Variants in SUPT3H observed in about 807,000 individuals in gnomAD.
The protein encoded by SUPT3H is transcription initiation protein SPT3 homolog.
In SUPT3H, 44 loss-of-function variants were observed where a neutral mutation model predicts 44.3. The observed-to-expected ratio is 0.99, with a 90% CI of 0.78 to 1.28. The LOEUF (loss-of-function observed/expected upper bound fraction) is 1.28, where lower values mean the gene tolerates loss of function less well. Ranked by LOEUF, SUPT3H falls within the 50% of genes most tolerant of loss-of-function variation. The pLI is 0.00. For synonymous variants in SUPT3H, 124 were observed against 125.6 expected, an observed-to-expected ratio of 0.99 and a Z score of 0.09; for missense variants, 380 against 387.1, an observed-to-expected ratio of 0.98 and a Z score of 0.15.
At chr6:44,913,686 C>T (rs1221926631) in intron 10 of SUPT3H, among the ~76,000 whole-genome samples, 1 of 152,134 alleles carries the variant, frequency 6.6e-6, no homozygotes, top group Non-Finnish European at 1.5e-5. Context: ...AACAAAAGCA[C>T]TTTTATCAGA....
chr6:45,248,100 A>G (rs1238683417), intron 2 of SUPT3H, among the ~76,000 whole-genome samples: 2 of 152,196 alleles, frequency 1.3e-5, no homozygotes, highest in Admixed American at 6.5e-5. Flanking sequence ...ACTTAAATAT[A>G]AAACAGAAAA....
At chr6:45,278,631 T>C (rs538786601) in intron 2 of SUPT3H, among the ~76,000 whole-genome samples, 3 of 152,324 alleles carry the variant, frequency 2.0e-5, no homozygotes, top group South Asian at 2.1e-4. Context: ...AGCTGTTACT[T>C]TTTCAAACAA....
chr6:45,345,370 C>G (rs940345715), intron 2 of SUPT3H, among the ~76,000 whole-genome samples: 7 of 152,114 alleles, frequency 4.6e-5, no homozygotes, highest in Non-Finnish European at 1.0e-4. Context: ...AGACTTTTAC[C>G]TTCTAGATTA....
At chr6:45,036,276 C>T (rs565807123) in intron 3 of SUPT3H, among the ~76,000 whole-genome samples, 47 of 152,114 alleles carry the variant, frequency 3.1e-4, no homozygotes, top group African/African-American at 9.9e-4. Context: ...GCAGTACTCA[C>T]GAACACCCCA....
rs189418850 is a variant in SUPT3H, at chr6:45,293,011, C to T, written c.101+72190G>A. On this transcript the variant is annotated intron_variant, in intron 2 of 10. Transcript: ENST00000371459. ...CTTAGCAGATATATACAGAACATTC[C>T]ATCCAACAACCACAGAATATACATT... 2.6e-3 allele frequency among the ~76,000 whole-genome samples: 393 copies of T among 152,028 alleles called. 1 individual carries two copies. The highest frequency in any genetic ancestry group is 9.2e-3 in the African/African-American group (383 of 41,494).
chr6:45,308,577 C>G (rs1253634981), intron 2 of SUPT3H, among the ~76,000 whole-genome samples: 2 of 152,032 alleles, frequency 1.3e-5, no homozygotes, highest in East Asian at 3.9e-4. Flanking sequence ...GCCTGCCCTA[C>G]AAGAGCTCCT....
chr6:45,290,638 G>A (rs1024336257), intron 2 of SUPT3H, among the ~76,000 whole-genome samples: 2 of 152,046 alleles, frequency 1.3e-5, no homozygotes, highest in African/African-American at 2.4e-5. Flanking sequence ...TAAAAACTAA[G>A]TCCAAAGAAG....
chr6:44,877,673 C>T (rs964749797), intron 10 of SUPT3H, among the ~76,000 whole-genome samples: 22 of 152,278 alleles, frequency 1.4e-4, no homozygotes, highest in African/African-American at 5.3e-4. Flanking sequence ...TATATCTATA[C>T]ATTTTTAAAC....
At chr6:45,078,808 T>A (rs892402554) in intron 3 of SUPT3H, among the ~76,000 whole-genome samples, 1 of 152,214 alleles carries the variant, frequency 6.6e-6, no homozygotes, top group Non-Finnish European at 1.5e-5. Context: ...TTGGTAAATA[T>A]ACGGATAGTC....
chr6:45,193,450 AATAT>A (rs1447485042), intron 2 of SUPT3H, among the ~76,000 whole-genome samples: 2 of 152,174 alleles, frequency 1.3e-5, no homozygotes, highest in Admixed American at 1.3e-4. Flanking sequence ...TGTCAAATTA[AATAT>A]TAAGATGCTG....
At position 45,099,217 on chromosome 6, in the gene SUPT3H, T is replaced by C. The variant is rs1798206425; in HGVS notation, c.186+6705A>G. 1.3e-5 allele frequency: 3 copies of C among 224,512 alleles called. No individual in the cohort carries two copies. In the South Asian group the frequency reaches 1.9e-4, roughly 14 times the overall value. 13.9% of individuals were successfully genotyped at this position (224,512 alleles called of 1,614,324 possible). A position where few individuals can be genotyped will look rare whatever the true frequency, so the allele number is the denominator to read the frequency against. On this transcript the variant is annotated intron_variant, in intron 3 of 10. Transcript: ENST00000371459. ...CAGGATTAATCCACTATCTTTCTCATGACCCTCAGAGGATGGGAGCTCATG... is the reference window on the plus strand; with the variant it reads ...CAGGATTAATCCACTATCTTTCTCACGACCCTCAGAGGATGGGAGCTCATG...
intron 9 of SUPT3H, among the ~76,000 whole-genome samples, chr6:44,937,216 G>A (rs1771587591): frequency 6.6e-6 from 1 of 152,026 alleles, no homozygotes; most frequent in African/African-American, 2.4e-5. Flanking sequence ...TACTGGCCAG[G>A]CGCAGTGGCT....
chr6:44,970,396 G>C (rs1562164796), intron 6 of SUPT3H, among the ~76,000 whole-genome samples: 4 of 152,082 alleles, frequency 2.6e-5, no homozygotes, highest in Non-Finnish European at 5.9e-5. Context: ...GTAAATCCCA[G>C]TGTTTAGTGT....
In SUPT3H at chr6:45,092,418, A is replaced by T. The variant is rs147451218; in HGVS notation, c.186+13504T>A. ...TTTTCTTAAGCCTTTTCTAGTTGACACATTTATTTAATAGACTTTCTCTTT... is the reference window on the plus strand; with the variant it reads ...TTTTCTTAAGCCTTTTCTAGTTGACTCATTTATTTAATAGACTTTCTCTTT... On this transcript the variant is annotated intron_variant, in intron 3 of 10. Coordinates refer to ENST00000371459, the MANE Select transcript of SUPT3H (RefSeq NM_003599.4). Among the ~76,000 whole-genome samples, 716 of 152,274 alleles carry T rather than the reference A, an allele frequency of 4.7e-3. 9 individuals carry two copies. The highest frequency in any genetic ancestry group is 0.016 in the African/African-American group (668 of 41,560).
chr6:45,061,404 C>T lies in SUPT3H; in HGVS notation c.187-40772G>A, dbSNP rs557065950. Among the ~76,000 whole-genome samples the T allele has an allele frequency of 7.9e-5, 12 of 152,200 alleles. No homozygotes were observed. The South Asian group carries it at 1.2e-3, about 16-fold the overall frequency. On this transcript the variant is annotated intron_variant, in intron 3 of 10. Coordinates refer to ENST00000371459, the MANE Select transcript of SUPT3H (RefSeq NM_003599.4). ...AAGTGGGAGCCAAACGATGAGAACACGTAGAAACACTGTGGGGAACAACAC... is the reference window on the plus strand; with the variant it reads ...AAGTGGGAGCCAAACGATGAGAACATGTAGAAACACTGTGGGGAACAACAC...
chr6:45,128,533 A>AATATATATATATATATATATAT (rs1554257895), intron 2 of SUPT3H, among the ~76,000 whole-genome samples: 3 of 52,258 alleles, frequency 5.7e-5, no homozygotes, highest in Non-Finnish European at 1.0e-4. Context: ...AAAAAAAAAA[A>AATATATATATATATATATATAT]ATATATATAT....
chr6:45,347,777 G>A (rs1267626238), intron 2 of SUPT3H, among the ~76,000 whole-genome samples: 1 of 148,102 alleles, frequency 6.8e-6, no homozygotes, highest in Non-Finnish European at 1.5e-5. Context: ...AAAAAAAAAA[G>A]ACGTATATTT....
At chr6:44,838,043 T>C (rs937320353) in intron 10 of SUPT3H, among the ~76,000 whole-genome samples, 1 of 152,202 alleles carries the variant, frequency 6.6e-6, no homozygotes, top group African/African-American at 2.4e-5. Context: ...ACCAATTTGA[T>C]TGGACAGTAA....
At chr6:45,008,920 T>C (rs1487634610) in intron 5 of SUPT3H, among the ~76,000 whole-genome samples, 1 of 152,158 alleles carries the variant, frequency 6.6e-6, no homozygotes, top group African/African-American at 2.4e-5. Flanking sequence ...TTTGTATTTT[T>C]AGTAGAGATG....
Sources: gnomAD v4.1 joint callset for allele counts (sites outside exome capture counted in the v4.1 genomes callset) on GRCh38, gnomAD v4.1.1 for gene constraint, MANE v1.5 for transcripts, NCBI Gene and HGNC (gene_info 2026-07-23, HGNC 2026-07-21) for gene names.